The following TNS1 variants were observed in gnomAD, a reference collection of about 807,000 sequenced individuals.
TNS1 encodes tensin 1.
TNS1 carries 62 observed loss-of-function variants against 168.6 expected under a neutral mutation model. The ratio of observed to expected loss-of-function variants is 0.37; its 90% CI spans 0.30 to 0.45. The LOEUF (loss-of-function observed/expected upper bound fraction) is 0.45, where lower values mean the gene tolerates loss of function less well. Among genes scored for constraint, TNS1 ranks in the 20% least tolerant of loss-of-function variants. The probability of loss-of-function intolerance (pLI) is 1.00; values close to 1 mark genes in which losing one functional copy is unlikely to be tolerated. For synonymous variants in TNS1, 934 were observed against 933.2 expected (o/e 1.00, Z -0.02); for missense variants, 2,240 against 2,339.4 (o/e 0.96, Z 0.88).
intron 18 of TNS1, among the ~76,000 whole-genome samples, chr2:217,852,967 C>T (rs1356864556): frequency 2.0e-5 from 3 of 152,176 alleles, no homozygotes; most frequent in Non-Finnish European, 2.9e-5. Flanking sequence ...CCAGGCCTGT[C>T]CAGCCCTGAT....
intron 1 of TNS1, among the ~76,000 whole-genome samples, chr2:218,027,285 T>C (rs1033859935): frequency 6.6e-5 from 10 of 151,900 alleles, no homozygotes; most frequent in African/African-American, 2.4e-4. Context: ...ACACGATAAG[T>C]GTAAAGCCCA....
At chr2:218,017,961 G>T (rs924957992) in intron 1 of TNS1, among the ~76,000 whole-genome samples, 1 of 152,244 alleles carries the variant, frequency 6.6e-6, no homozygotes, top group African/African-American at 2.4e-5. Flanking sequence ...ACGCCTGAGG[G>T]AGAGGAGCCA....
intron 3 of TNS1, among the ~76,000 whole-genome samples, chr2:217,956,578 C>A (rs921837091): frequency 6.6e-6 from 1 of 152,166 alleles, no homozygotes; most frequent in East Asian, 1.9e-4. Context: ...TCGCTTCAGT[C>A]TCTTTCTCCC....
upstream of TNS1, among the ~76,000 whole-genome samples, chr2:218,006,171 A>G (rs990644180): frequency 6.6e-6 from 1 of 152,258 alleles, no homozygotes; most frequent in Non-Finnish European, 1.5e-5. Context: ...AAACAGAGTC[A>G]GGTCTGTGGG....
chr2:217,839,632 C>G (rs527624867), intron 19 of TNS1, among the ~76,000 whole-genome samples: 2 of 152,186 alleles, frequency 1.3e-5, no homozygotes, highest in Non-Finnish European at 2.9e-5. Context: ...CAGACCGATA[C>G]ATGTACTTTG....
chr2:217,943,648 G>T (rs1324645296), intron 3 of TNS1, among the ~76,000 whole-genome samples: 5 of 152,216 alleles, frequency 3.3e-5, no homozygotes. Flanking sequence ...TCTGAAGACA[G>T]GGGACTGACA....
chr2:218,031,774 T>C (rs1171004224), intron 1 of TNS1, among the ~76,000 whole-genome samples: 1 of 152,056 alleles, frequency 6.6e-6, no homozygotes, highest in Non-Finnish European at 1.5e-5. Flanking sequence ...TCCAAAAGGG[T>C]TGCAGGCCCC....
chr2:218,014,870 C>CGGAAGGAAGGAA (rs56964991), upstream of TNS1, among the ~76,000 whole-genome samples: 1,947 of 97,716 alleles, frequency 0.02, 35 homozygotes, highest in Non-Finnish European at 0.021. Flanking sequence ...GAAGGAAGGA[C>CGGAAGGAAGGAA]GGAAGGAAGG....
chr2:217,809,440 GAT>G lies in TNS1; in HGVS notation c.5273+381_5273+382del, dbSNP rs1559140699. On this transcript the variant is annotated intron_variant, in intron 30 of 32. Coordinates refer to ENST00000682258, the MANE Select transcript of TNS1 (RefSeq NM_001387777.1). Reference sequence around the variant, plus strand: ...GCATGGATGGATGGATGGATGGATGGATGGATGGATGGATGGATGCATGGATG... The same window carrying G: ...GCATGGATGGATGGATGGATGGATGGGGATGGATGGATGGATGCATGGATG... 5.8e-3 allele frequency among the ~76,000 whole-genome samples: 628 copies of G among 108,000 alleles called. 59 individuals carry two copies. The highest frequency in any genetic ancestry group is 0.014 in the African/African-American group (364 of 25,402). 70.9% of individuals were successfully genotyped at this position (108,000 alleles called of 152,430 possible). A position where few individuals can be genotyped will look rare whatever the true frequency, so the allele number is the denominator to read the frequency against.
chr2:217,845,778 G>C (rs1205820658), intron 19 of TNS1, among the ~76,000 whole-genome samples: 2 of 152,212 alleles, frequency 1.3e-5, no homozygotes, highest in Non-Finnish European at 2.9e-5. Flanking sequence ...TCCTCCCAGG[G>C]CCATTAGGGT....
chr2:217,883,557 G>T (rs1165796011), intron 16 of TNS1, among the ~76,000 whole-genome samples: 1 of 152,218 alleles, frequency 6.6e-6, no homozygotes, highest in Non-Finnish European at 1.5e-5. Flanking sequence ...GAGCCACCGT[G>T]CCTGGCCATG....
Position 218,032,953 on chromosome 2 carries a change from A to C in TNS1, c.156+867T>G, listed in dbSNP as rs1201586238. ...CCCCTCTTTCTCCCCTTGATCATCC[A>C]CCTCCAGAGCCCCGGCTCCTCCCTC... is the stretch of plus-strand genomic sequence containing the variant. On this transcript the variant is annotated intron_variant, in intron 1 of 1. Transcript: ENST00000649572. This position sits in a 1 kb window ranked among gnomAD's most constrained non-coding sequence, Gnocchi z 4.0. Among the ~76,000 whole-genome samples the C allele has an allele frequency of 6.6e-6, 1 of 150,794 alleles. No homozygotes were observed. Among genetic ancestry groups the C allele is most frequent in the Non-Finnish European group, 1.5e-5 (1 of 67,670 alleles).
chr2:217,898,193 C>T (rs1952527163), intron 7 of TNS1, among the ~76,000 whole-genome samples: 1 of 152,248 alleles, frequency 6.6e-6, no homozygotes, highest in African/African-American at 2.4e-5. Context: ...TGGCAAGGAC[C>T]TCAGGCCATT....
chr2:218,005,070 G>GT (rs548174796), upstream of TNS1, among the ~76,000 whole-genome samples: 61 of 152,300 alleles, frequency 4.0e-4, no homozygotes, highest in East Asian at 0.011. Flanking sequence ...CTGCCAGGCT[G>GT]CCCTTGTCCC....
chr2:218,030,228 C>T (rs941803532), intron 1 of TNS1, among the ~76,000 whole-genome samples: 2 of 152,222 alleles, frequency 1.3e-5, no homozygotes, highest in African/African-American at 2.4e-5. Flanking sequence ...TAACAGGTCC[C>T]GGCTCTTCTC....
intron 4 of TNS1, 102 bp downstream of exon 4, chr2:217,920,093 C>T: frequency 1.4e-6 from 1 of 698,448 alleles, no homozygotes; most frequent in Admixed American, 2.0e-5. Flanking sequence ...AATTGTCCGA[C>T]ACCCCAGTTA....
chr2:217,963,766 A>G (rs983025385), intron 3 of TNS1, among the ~76,000 whole-genome samples: 4 of 149,358 alleles, frequency 2.7e-5, no homozygotes, highest in Admixed American at 2.7e-4. Context: ...AAAAAAGGCC[A>G]GGCTCAGTGA....
chr2:217,868,751 C>T (rs1201285870), intron 18 of TNS1, among the ~76,000 whole-genome samples: 1 of 152,254 alleles, frequency 6.6e-6, no homozygotes, highest in Non-Finnish European at 1.5e-5. Context: ...AGCTAGGGCT[C>T]AAGCCCAGAC....
chr2:217,838,912 C>T (rs1022045206), intron 19 of TNS1, among the ~76,000 whole-genome samples: 1 of 152,200 alleles, frequency 6.6e-6, no homozygotes, highest in Non-Finnish European at 1.5e-5. Flanking sequence ...AATAGGCCTG[C>T]TCTCCCCACC....
Sources: gnomAD v4.1 joint callset for allele counts (sites outside exome capture counted in the v4.1 genomes callset) on GRCh38, gnomAD v4.1.1 for gene constraint, Gnocchi (gnomAD v3.1) non-coding constraint, MANE v1.5 for transcripts, NCBI Gene and HGNC (gene_info 2026-07-23, HGNC 2026-07-21) for gene names.